Variants in CNTN5 observed in about 807,000 individuals in gnomAD.
CNTN5 encodes contactin-5.
A neutral mutation model predicts 129.1 loss-of-function variants in CNTN5; 77 were observed. That is an observed-to-expected ratio of 0.60 (90% CI 0.50 to 0.72). The LOEUF is 0.72. Among genes scored for constraint, CNTN5 ranks in the 30% least tolerant of loss-of-function variants. The pLI is 0.00. For synonymous variants in CNTN5, 509 were observed against 465.6 expected, an observed-to-expected ratio of 1.09 and a Z score of -1.20; for missense variants, 1,478 against 1,328.8, an observed-to-expected ratio of 1.11 and a Z score of -1.75.
chr11:99,874,441 G>A (rs1208657472), intron 6 of CNTN5, among the ~76,000 whole-genome samples: 1 of 152,122 alleles, frequency 6.6e-6, no homozygotes, highest in East Asian at 1.9e-4. Context: ...AGCAGACTCA[G>A]GTTGGAGCCC....
chr11:100,355,384 G>A (rs12285783), intron 24 of CNTN5, among the ~76,000 whole-genome samples: 3,530 of 151,706 alleles, frequency 0.023, 137 homozygotes, highest in African/African-American at 0.081. Context: ...TAATAATGCC[G>A]CCTTCTGGAA....
chr11:99,809,492 T>C (rs943632689), intron 3 of CNTN5, among the ~76,000 whole-genome samples: 3 of 152,166 alleles, frequency 2.0e-5, no homozygotes, highest in African/African-American at 7.2e-5. Context: ...ATTGCATTAT[T>C]TGTGTCTATG....
chr11:99,232,973 C>G (rs1861078455), intron 1 of CNTN5, among the ~76,000 whole-genome samples: 1 of 152,138 alleles, frequency 6.6e-6, no homozygotes, highest in African/African-American at 2.4e-5. Context: ...GAAATAGGAA[C>G]TAGCATATTT....
intron 9 of CNTN5, among the ~76,000 whole-genome samples, chr11:100,039,757 G>C (rs985993031): frequency 2.6e-5 from 4 of 152,032 alleles, no homozygotes; most frequent in Non-Finnish European, 4.4e-5. Flanking sequence ...CCAGTTGATG[G>C]CATTGGCTAC....
chr11:99,201,275 C>A (rs978748122), intron 1 of CNTN5, among the ~76,000 whole-genome samples: 3 of 151,394 alleles, frequency 2.0e-5, no homozygotes, highest in Non-Finnish European at 4.4e-5. Flanking sequence ...CCACCCGCCT[C>A]AGCCTCCCAA....
At chr11:99,144,530 C>CCGT (rs1859682311) in intron 1 of CNTN5, among the ~76,000 whole-genome samples, 1 of 152,126 alleles carries the variant, frequency 6.6e-6, no homozygotes, top group East Asian at 1.9e-4. Context: ...GTGCCCTTTG[C>CCGT]CGTCTCCTCT....
At chr11:100,319,239 G>A (rs892918892) in intron 21 of CNTN5, among the ~76,000 whole-genome samples, 16 of 147,556 alleles carry the variant, frequency 1.1e-4, no homozygotes, top group Admixed American at 4.1e-4. Flanking sequence ...TGCAACCTCC[G>A]CCTCCTGGGC....
chr11:99,871,634 TGAAG>T (rs1317622705), intron 6 of CNTN5, among the ~76,000 whole-genome samples: 1 of 151,988 alleles, frequency 6.6e-6, no homozygotes, highest in Non-Finnish European at 1.5e-5. Flanking sequence ...GACATAAAGT[TGAAG>T]GGAGGAAAAA....
At chr11:100,103,370 G>T (rs771900777) in intron 13 of CNTN5, among the ~76,000 whole-genome samples, 14 of 152,046 alleles carry the variant, frequency 9.2e-5, no homozygotes, top group Non-Finnish European at 1.9e-4. Context: ...TCACGCGTGG[G>T]TACTTTCTGA....
At chr11:99,591,742 T>A (rs1013900641) in intron 3 of CNTN5, among the ~76,000 whole-genome samples, 1 of 152,018 alleles carries the variant, frequency 6.6e-6, no homozygotes, top group Admixed American at 6.6e-5. Context: ...CTGGGGGAAC[T>A]TGAGATACAG....
intron 20 of CNTN5, among the ~76,000 whole-genome samples, chr11:100,303,550 T>A (rs1175618404): frequency 8.2e-6 from 1 of 121,670 alleles, no homozygotes; most frequent in African/African-American, 3.1e-5. Context: ...TTGAAAGATT[T>A]ATTTACTTGT....
intron 3 of CNTN5, among the ~76,000 whole-genome samples, chr11:99,712,321 G>A (rs1025137809): frequency 6.6e-6 from 1 of 151,952 alleles, no homozygotes; most frequent in Non-Finnish European, 1.5e-5. Context: ...CTTTTTGATG[G>A]GGTTGTTTTT....
chr11:99,370,358 G>A (rs193021338), intron 2 of CNTN5, among the ~76,000 whole-genome samples: 226 of 152,220 alleles, frequency 1.5e-3, no homozygotes, highest in African/African-American at 5.1e-3. Context: ...TTTTTAGGTC[G>A]CAAAGAAAAA....
intron 1 of CNTN5, among the ~76,000 whole-genome samples, chr11:99,049,250 C>T: frequency 6.6e-6 from 1 of 152,138 alleles, no homozygotes; most frequent in East Asian, 1.9e-4. Context: ...TTAACTTGAG[C>T]AATTGACGTA....
chr11:100,309,030 A>C, intron 21 of CNTN5: 1 of 985,118 alleles, frequency 1.0e-6, no homozygotes, highest in Non-Finnish European at 1.2e-6. Flanking sequence ...TAGCCTCCGC[A>C]GAGAATAGCA....
At chr11:99,975,025 C>A (rs1347683807) in intron 8 of CNTN5, among the ~76,000 whole-genome samples, 1 of 152,234 alleles carries the variant, frequency 6.6e-6, no homozygotes, top group Non-Finnish European at 1.5e-5. Flanking sequence ...GGGCAACTTG[C>A]AAATGATTCA....
intron 1 of CNTN5, among the ~76,000 whole-genome samples, chr11:99,185,545 G>A (rs1357398162): frequency 6.6e-6 from 1 of 151,730 alleles, no homozygotes; most frequent in East Asian, 1.9e-4. Context: ...ACAATATACA[G>A]TGAAATCCTC....
At chr11:99,589,291 A>G (rs1040559708) in intron 3 of CNTN5, among the ~76,000 whole-genome samples, 4 of 152,232 alleles carry the variant, frequency 2.6e-5, no homozygotes, top group African/African-American at 4.8e-5. Flanking sequence ...CACCATCAAT[A>G]ACATGCAAAA....
intron 13 of CNTN5, among the ~76,000 whole-genome samples, chr11:100,110,199 AAGAAAAG>A: frequency 6.9e-6 from 1 of 144,772 alleles, no homozygotes; most frequent in African/African-American, 2.8e-5. Flanking sequence ...AAAAAAAAAA[AAGAAAAG>A]AAAAAGAAAA....
Sources: allele counts gnomAD v4.1 joint callset (sites outside exome capture counted in the v4.1 genomes callset), GRCh38; gene constraint gnomAD v4.1.1; transcripts MANE v1.5; gene names NCBI Gene and HGNC (gene_info 2026-07-23, HGNC 2026-07-21).